PBRM1: variants seen among roughly 807,000 people sequenced by gnomAD.
The protein encoded by PBRM1 is polybromo 1, also known as protein polybromo-1.
Under a neutral mutation model 194.5 loss-of-function variants are expected in PBRM1, and 27 were observed. The observed-to-expected ratio is 0.14, with a 90% CI of 0.10 to 0.19. The LOEUF is 0.19. Among genes scored for constraint, PBRM1 ranks in the 10% least tolerant of loss-of-function variants. The probability of loss-of-function intolerance (pLI) is 1.00; values close to 1 mark genes in which losing one functional copy is unlikely to be tolerated. For missense variants in PBRM1, 1,466 were observed against 2,077.2 expected (o/e 0.71, Z 5.72); for synonymous variants, 655 against 693.2 (o/e 0.94, Z 0.87).
At chr3:52,622,324 A>C (rs4687639) in intron 13 of PBRM1, among the ~76,000 whole-genome samples, 51,955 of 151,872 alleles carry the variant, frequency 0.34, 9,899 homozygotes, top group Admixed American at 0.46. Context: ...GGAGACAGGG[A>C]GAGACTCCAT....
intron 3 of PBRM1, among the ~76,000 whole-genome samples, chr3:52,664,369 T>G (rs2096785633): frequency 7.1e-6 from 1 of 140,760 alleles, no homozygotes; most frequent in African/African-American, 2.6e-5. Flanking sequence ...TAAATTTATA[T>G]TTAACTAATT....
At chr3:52,583,406 C>T (rs2153726874) in intron 20 of PBRM1, among the ~76,000 whole-genome samples, 1 of 149,744 alleles carries the variant, frequency 6.7e-6, no homozygotes, top group East Asian at 2.0e-4. Context: ...GAGACTCCAT[C>T]TAAAAAAAAA....
chr3:52,650,188 C>CT (rs1319393885), intron 6 of PBRM1, among the ~76,000 whole-genome samples: 2 of 151,762 alleles, frequency 1.3e-5, no homozygotes, highest in East Asian at 3.9e-4. Flanking sequence ...CATGGTGAAA[C>CT]CCTGTCTCTA....
chr3:52,580,771 A>C (rs562967515), intron 20 of PBRM1, among the ~76,000 whole-genome samples: 1 of 152,332 alleles, frequency 6.6e-6, no homozygotes, highest in South Asian at 2.1e-4. Flanking sequence ...TTGTGAAATG[A>C]AGATAATGAT....
chr3:52,648,284 G>T (rs889457951), intron 7 of PBRM1, 60 bp downstream of exon 8: 3 of 917,652 alleles, frequency 3.3e-6, no homozygotes, highest in Admixed American at 2.2e-5. Context: ...AAAAATTACT[G>T]ACCTTAAATT....
At chr3:52,651,355 G>A (rs2096487711) in intron 6 of PBRM1, among the ~76,000 whole-genome samples, 1 of 152,048 alleles carries the variant, frequency 6.6e-6, no homozygotes. Flanking sequence ...TTTGGAAGCA[G>A]ATAAAAATAA....
chr3:52,665,741 C>A (rs1454372929), intron 3 of PBRM1, among the ~76,000 whole-genome samples: 1 of 152,144 alleles, frequency 6.6e-6, no homozygotes, highest in African/African-American at 2.4e-5. Context: ...GACCCTGCCC[C>A]CTACATCCAC....
chr3:52,625,662 C>T (rs1262494513), intron 13 of PBRM1, among the ~76,000 whole-genome samples: 1 of 151,782 alleles, frequency 6.6e-6, no homozygotes, highest in Non-Finnish European at 1.5e-5. Context: ...GCAACCTCCA[C>T]TTCCCAGGTT....
intron 17 of PBRM1, among the ~76,000 whole-genome samples, chr3:52,590,588 A>G (rs1018401401): frequency 6.6e-6 from 1 of 152,196 alleles, no homozygotes; most frequent in Non-Finnish European, 1.5e-5. Context: ...AGAGCTAATA[A>G]TAAGCATTTT....
intron 3 of PBRM1, among the ~76,000 whole-genome samples, 171 bp downstream of exon 4, chr3:52,668,327 A>G (rs1056332088): frequency 1.3e-5 from 2 of 152,194 alleles, no homozygotes; most frequent in Non-Finnish European, 2.9e-5. Context: ...ACGTAAATAA[A>G]TAAGAAATAA....
At chr3:52,579,987 AC>A (rs750092016) in intron 20 of PBRM1, among the ~76,000 whole-genome samples, 12 of 152,278 alleles carry the variant, frequency 7.9e-5, no homozygotes, top group South Asian at 4.2e-4. Context: ...TTATGTCATA[AC>A]CCCAGCACAC....
intron 20 of PBRM1, among the ~76,000 whole-genome samples, chr3:52,583,705 A>G (rs968543427): frequency 6.6e-6 from 1 of 152,212 alleles, no homozygotes; most frequent in Non-Finnish European, 1.5e-5. Flanking sequence ...TAAATCAATA[A>G]AATGATCAAT....
chr3:52,549,475 A>C (rs967991031), intron 29 of PBRM1, among the ~76,000 whole-genome samples: 6 of 152,186 alleles, frequency 3.9e-5, no homozygotes, highest in Admixed American at 3.9e-4. Context: ...TACCCAATGC[A>C]TCTATACTAA....
At position 52,586,695 on chromosome 3, in the gene PBRM1, G is replaced by C. The variant is rs1162105688; in HGVS notation, c.3124-7C>G. ...GGCATAACTTAAAGTATTCCTGGGG[G>C]GTGGGGAGGGCATAAGAATAAAACT... On this transcript the variant is annotated splice_polypyrimidine_tract_variant and splice_region_variant and intron_variant, in intron 19 of 29. Coordinates refer to ENST00000296302, the Ensembl canonical transcript of PBRM1. 5 of 1,582,520 alleles carry C rather than the reference G, an allele frequency of 3.2e-6. No individual in the cohort carries two copies. The highest frequency in any genetic ancestry group is 4.3e-6 in the Non-Finnish European group (5 of 1,157,932).
chr3:52,642,047 T>TATAAAAAA lies in PBRM1; in HGVS notation c.996-3_996-2insTTTTTTAT. On this transcript the variant is annotated splice_polypyrimidine_tract_variant and splice_region_variant and intron_variant, in intron 9 of 29. Coordinates refer to ENST00000296302, the Ensembl canonical transcript of PBRM1. ...CCTCCTTGTACTGCTCTTTTATTACTACAAAAAAAAAAAAAGCAATTAGAC... is the reference window on the plus strand; with the variant it reads ...CCTCCTTGTACTGCTCTTTTATTACTATAAAAAAACAAAAAAAAAAAAAGCAATTAGAC... The TATAAAAAA allele has an allele frequency of 7.4e-7, 1 of 1,352,278 alleles. No individual in the cohort carries two copies. Among genetic ancestry groups the TATAAAAAA allele is most frequent in the Non-Finnish European group, 1.0e-6 (1 of 969,848 alleles). The allele number at this position is 1,352,278 out of a possible 1,614,324, so 83.8% of individuals were successfully genotyped here. A position where few individuals can be genotyped will look rare whatever the true frequency, so the allele number is the denominator to read the frequency against.
exon 7 of PBRM1, chr3:52,648,441 T>A: frequency 6.4e-7 from 1 of 1,573,162 alleles, no homozygotes; most frequent in African/African-American, 1.3e-5. Context: ...GTAGCTTCCA[T>A]TCTACAATAA....
chr3:52,568,344 T>C (rs1287969029), intron 22 of PBRM1, among the ~76,000 whole-genome samples: 3 of 152,218 alleles, frequency 2.0e-5, no homozygotes, highest in Non-Finnish European at 4.4e-5. Flanking sequence ...TTGATCTTTA[T>C]CTAATTGCTT....
At chr3:52,556,130 T>C (rs2082171930) in intron 26 of PBRM1, among the ~76,000 whole-genome samples, 1 of 152,208 alleles carries the variant, frequency 6.6e-6, no homozygotes, top group Non-Finnish European at 1.5e-5. Flanking sequence ...AATTTTACTC[T>C]TGGACTTTCC....
At chr3:52,616,581 T>A (rs1300278382) in intron 14 of PBRM1, among the ~76,000 whole-genome samples, 1 of 152,082 alleles carries the variant, frequency 6.6e-6, no homozygotes, top group Non-Finnish European at 1.5e-5. Context: ...TAGTCCCAGC[T>A]ACTCGGGAGG....
Sources: gnomAD v4.1 joint callset for allele counts (sites outside exome capture counted in the v4.1 genomes callset) on GRCh38, gnomAD v4.1.1 for gene constraint, MANE v1.5 for transcripts, NCBI Gene and HGNC (gene_info 2026-07-23, HGNC 2026-07-21) for gene names.